GALNT16: variants seen among roughly 807,000 people sequenced by gnomAD.
GALNT16 encodes polypeptide N-acetylgalactosaminyltransferase 16.
Under a neutral mutation model 76.1 loss-of-function variants are expected in GALNT16, and 40 were observed. The ratio of observed to expected loss-of-function variants is 0.53; its 90% CI spans 0.41 to 0.68. The LOEUF is 0.68. GALNT16 is among the 30% of genes least tolerant of loss of function. The pLI is 0.00. For missense variants in GALNT16, 621 were observed against 731.9 expected (o/e 0.85, Z 1.75); for synonymous variants, 276 against 285.2 (o/e 0.97, Z 0.32).
the GALNT16 span, among the ~76,000 whole-genome samples, chr14:69,364,825 G>A: frequency 6.6e-6 from 1 of 152,170 alleles, no homozygotes; most frequent in South Asian, 2.1e-4. The surrounding 1 kb of genome is among the most constrained non-coding windows in gnomAD (Gnocchi z 4.2). Flanking sequence ...AAAGGAAGGG[G>A]AGCAGGTGGC....
At chr14:69,372,710 C>T in the GALNT16 span, among the ~76,000 whole-genome samples, 1 of 152,030 alleles carries the variant, frequency 6.6e-6, no homozygotes, top group Non-Finnish European at 1.5e-5. Context: ...ATCCAAGTAC[C>T]TGAAAAGATT....
intron 11 of GALNT16, among the ~76,000 whole-genome samples, chr14:69,340,780 CTGGCCTG>C (rs2045476124): frequency 6.6e-6 from 1 of 152,162 alleles, no homozygotes; most frequent in Admixed American, 6.5e-5. Flanking sequence ...GCCACTGCAC[CTGGCCTG>C]AAATTTTTTC....
intron 1 of GALNT16, among the ~76,000 whole-genome samples, chr14:69,293,900 T>C (rs2140131253): frequency 6.6e-6 from 1 of 152,234 alleles, no homozygotes; most frequent in South Asian, 2.1e-4. Flanking sequence ...CCCATACTTT[T>C]TTTTTTTTTG....
chr14:69,311,290 C>T (rs1046539016), intron 1 of GALNT16, among the ~76,000 whole-genome samples: 6 of 152,100 alleles, frequency 3.9e-5, no homozygotes, highest in South Asian at 4.2e-4. Flanking sequence ...GGTGAAAGGG[C>T]GTAAAGGTGT....
the GALNT16 span, among the ~76,000 whole-genome samples, chr14:69,363,727 C>T: frequency 6.7e-6 from 1 of 149,390 alleles, no homozygotes; most frequent in Non-Finnish European, 1.5e-5. Flanking sequence ...CAAGATGAGC[C>T]TCTCCTAGAA....
chr14:69,268,281 A>G (rs2044365078), intron 1 of GALNT16, among the ~76,000 whole-genome samples: 1 of 152,246 alleles, frequency 6.6e-6, no homozygotes, highest in African/African-American at 2.4e-5. Flanking sequence ...GAAGACAGGC[A>G]TGGAATTGCC....
chr14:69,289,077 C>T (rs777115862), intron 1 of GALNT16, among the ~76,000 whole-genome samples: 5 of 152,228 alleles, frequency 3.3e-5, no homozygotes, highest in African/African-American at 9.6e-5. Context: ...AGGGTCTCGC[C>T]CTGTTGCCCA....
chr14:69,325,801 G>C (rs191434282), intron 4 of GALNT16, among the ~76,000 whole-genome samples, 161 bp from the exon 5 acceptor site: 17 of 152,156 alleles, frequency 1.1e-4, no homozygotes, highest in African/African-American at 4.1e-4. Flanking sequence ...TGAGAGTGGG[G>C]CAGGGCAACC....
intron 1 of GALNT16, among the ~76,000 whole-genome samples, chr14:69,316,699 G>A (rs1436476981): frequency 6.8e-6 from 1 of 147,036 alleles, no homozygotes; most frequent in East Asian, 2.0e-4. Context: ...GGGCAGCAGT[G>A]GAAGCAAGTT....
chr14:69,307,321 C>T (rs1390519839), intron 1 of GALNT16, among the ~76,000 whole-genome samples: 1 of 152,202 alleles, frequency 6.6e-6, no homozygotes, highest in Non-Finnish European at 1.5e-5. Flanking sequence ...CGACAGATCA[C>T]AAAGAAGCTC....
intron 4 of GALNT16, among the ~76,000 whole-genome samples, chr14:69,325,616 T>A (rs45492497): frequency 0.13 from 19,522 of 152,166 alleles, 1,697 homozygotes; most frequent in African/African-American, 0.24. Context: ...TGGATGGGAC[T>A]CTAGTGAGAT....
intron 4 of GALNT16, 82 bp from the exon 5 acceptor site, chr14:69,325,879 TG>T: frequency 9.4e-7 from 1 of 1,061,610 alleles, no homozygotes; most frequent in South Asian, 1.3e-5. Flanking sequence ...GGGCTTAGTA[TG>T]GGGCAATTTT....
intron 1 of GALNT16, among the ~76,000 whole-genome samples, chr14:69,305,290 A>T (rs2044916973): frequency 1.3e-5 from 2 of 151,636 alleles, no homozygotes; most frequent in African/African-American, 4.8e-5. Context: ...CAGCCTCCCA[A>T]GTAGCTGCGA....
rs1045549584 is a variant in GALNT16 at position 69,352,388 on chromosome 14, G to A, written c.*220G>A. 9 of 544,048 alleles carry A rather than the reference G, an allele frequency of 1.7e-5. No homozygotes were observed. The highest frequency in any genetic ancestry group is 3.8e-5 in the African/African-American group (2 of 52,760). 33.7% of individuals were successfully genotyped at this position (544,048 alleles called of 1,614,324 possible). On this transcript the variant is annotated 3_prime_UTR_variant, in exon 15 of 15. Transcript: ENST00000448469. ...GTGCTGTCCTGGCCTTGCCCCGGGA[G>A]AGGAGATGGTCAGGGTGCTGGACTG...
chr14:69,327,834 CG>C (rs1691846696), intron 5 of GALNT16, among the ~76,000 whole-genome samples: 1 of 152,084 alleles, frequency 6.6e-6, no homozygotes, highest in Admixed American at 6.5e-5. Flanking sequence ...GTGAGGCTAT[CG>C]GGGGACAGGC....
intron 9 of GALNT16, among the ~76,000 whole-genome samples, chr14:69,337,201 A>G (rs2045426156): frequency 6.6e-6 from 1 of 152,200 alleles, no homozygotes; most frequent in Non-Finnish European, 1.5e-5. Context: ...GGCTTGCTGG[A>G]CACAATGTGA....
chr14:69,262,416 C>G (rs895478213), intron 1 of GALNT16, among the ~76,000 whole-genome samples: 1 of 152,142 alleles, frequency 6.6e-6, no homozygotes, highest in Admixed American at 6.5e-5. Context: ...ATTCAGCACT[C>G]ATTTTGAGGG....
At chr14:69,319,571 A>G (rs1378223531) in intron 1 of GALNT16, among the ~76,000 whole-genome samples, 2 of 152,240 alleles carry the variant, frequency 1.3e-5, no homozygotes, top group Non-Finnish European at 2.9e-5. Flanking sequence ...GGCACTCTGG[A>G]GAACATCCAG....
At chr14:69,377,804 C>CAAAAAAAAAAAAAAAA in the GALNT16 span, among the ~76,000 whole-genome samples, 7 of 37,486 alleles carry the variant, frequency 1.9e-4, no homozygotes, top group African/African-American at 3.9e-4. Flanking sequence ...GAGACTGTCT[C>CAAAAAAAAAAAAAAAA]AAAAAAAAAA....
Sources: allele counts gnomAD v4.1 joint callset (sites outside exome capture counted in the v4.1 genomes callset), GRCh38; gene constraint gnomAD v4.1.1; non-coding constraint Gnocchi (gnomAD v3.1); transcripts MANE v1.5; gene names NCBI Gene and HGNC (gene_info 2026-07-23, HGNC 2026-07-21).